STK3: variants seen among roughly 807,000 people sequenced by gnomAD.
The protein encoded by STK3 is serine/threonine-protein kinase 3.
In STK3, 41 loss-of-function variants were observed where a neutral mutation model predicts 58.0. The ratio of observed to expected loss-of-function variants is 0.71; its 90% CI spans 0.55 to 0.92. The LOEUF is 0.92. Among genes scored for constraint, STK3 ranks in the 40% least tolerant of loss-of-function variants. STK3 has a pLI of 0.00. For synonymous variants in STK3, 170 were observed against 191.0 expected (o/e 0.89, Z 0.91); for missense variants, 479 against 602.7 (o/e 0.79, Z 2.15).
intron 3 of STK3, among the ~76,000 whole-genome samples, chr8:98,763,968 C>G (rs977705913): frequency 2.6e-5 from 4 of 152,202 alleles, no homozygotes; most frequent in Non-Finnish European, 5.9e-5. Flanking sequence ...AGCCACCATG[C>G]CCGGCCCTAA....
chr8:98,569,881 T>G (rs1320884078), intron 8 of STK3, among the ~76,000 whole-genome samples: 1 of 150,602 alleles, frequency 6.6e-6, no homozygotes, highest in East Asian at 1.9e-4. Flanking sequence ...TAAGTAAATG[T>G]TCTTTACTGG....
chr8:98,777,150 A>G (rs1325016559), intron 1 of STK3, among the ~76,000 whole-genome samples: 1 of 152,228 alleles, frequency 6.6e-6, no homozygotes. Context: ...AGAGTCTGTC[A>G]GTAAGTTGGA....
chr8:98,546,915 G>A (rs1810744310), intron 9 of STK3, among the ~76,000 whole-genome samples: 1 of 152,094 alleles, frequency 6.6e-6, no homozygotes, highest in African/African-American at 2.4e-5. Context: ...ACAGAACTAG[G>A]GAATGTGAAG....
At chr8:98,351,598 C>T in the STK3 span, among the ~76,000 whole-genome samples, 2 of 152,106 alleles carry the variant, frequency 1.3e-5, no homozygotes, top group Non-Finnish European at 2.9e-5. Flanking sequence ...AATATGCTTT[C>T]TCTGCTATAT....
At chr8:98,352,093 C>T in the STK3 span, among the ~76,000 whole-genome samples, 2 of 146,060 alleles carry the variant, frequency 1.4e-5, no homozygotes, top group Non-Finnish European at 3.0e-5. Context: ...GCTGAGATCG[C>T]GCCACTGCAC....
At chr8:98,443,903 G>T (rs1035245522) in intron 1 of STK3, among the ~76,000 whole-genome samples, 1 of 152,204 alleles carries the variant, frequency 6.6e-6, no homozygotes, top group East Asian at 1.9e-4. Flanking sequence ...GGGCGACAGA[G>T]CAAGACTATG....
intron 4 of STK3, among the ~76,000 whole-genome samples, chr8:98,740,342 G>C (rs1829083112): frequency 6.6e-6 from 1 of 152,208 alleles, no homozygotes; most frequent in Non-Finnish European, 1.5e-5. Context: ...GGCAGCCAGA[G>C]AGAAAGGTCG....
intron 2 of STK3, among the ~76,000 whole-genome samples, chr8:98,434,751 G>C (rs1024318797): frequency 6.6e-6 from 1 of 152,178 alleles, no homozygotes; most frequent in Non-Finnish European, 1.5e-5. Context: ...CCTTGGAGTT[G>C]TGTAAGGCCC....
At chr8:98,546,223 A>T (rs1433838283) in intron 9 of STK3, among the ~76,000 whole-genome samples, 1 of 152,216 alleles carries the variant, frequency 6.6e-6, no homozygotes, top group African/African-American at 2.4e-5. Flanking sequence ...TATAACATGT[A>T]TTGATTTTTG....
chr8:98,711,853 T>C (rs925010454), intron 4 of STK3, among the ~76,000 whole-genome samples: 3 of 151,880 alleles, frequency 2.0e-5, no homozygotes, highest in Admixed American at 6.5e-5. Flanking sequence ...AAAGTTGAAA[T>C]GAAGGAAAAA....
At chr8:98,884,661 A>G (rs1196922518) in intron 1 of STK3, among the ~76,000 whole-genome samples, 1 of 152,140 alleles carries the variant, frequency 6.6e-6, no homozygotes, top group Non-Finnish European at 1.5e-5. Flanking sequence ...TTGGGAAATA[A>G]TCAGGTCATT....
chr8:98,663,460 T>G (rs1822114562), intron 6 of STK3, among the ~76,000 whole-genome samples: 1 of 152,216 alleles, frequency 6.6e-6, no homozygotes, highest in East Asian at 1.9e-4. Context: ...GAAGTCAGTG[T>G]GGTGATTCCT....
intron 3 of STK3, among the ~76,000 whole-genome samples, chr8:98,404,299 G>A (rs1007618816): frequency 4.6e-5 from 7 of 152,170 alleles, no homozygotes; most frequent in African/African-American, 1.4e-4. Context: ...CACTTTGGGA[G>A]ACTGAAGCAG....
At chr8:98,888,503 C>T (rs1838078597) in intron 1 of STK3, among the ~76,000 whole-genome samples, 1 of 152,024 alleles carries the variant, frequency 6.6e-6, no homozygotes, top group African/African-American at 2.4e-5. Context: ...CAGTCTAAAT[C>T]AACAGTTTTC....
intron 1 of STK3, among the ~76,000 whole-genome samples, chr8:98,788,809 T>C (rs1263501885): frequency 6.6e-6 from 1 of 152,086 alleles, no homozygotes; most frequent in African/African-American, 2.4e-5. Flanking sequence ...GCAACTATAA[T>C]AGTGGGGGAC....
At chr8:98,656,456 G>A (rs1312738109) in intron 6 of STK3, among the ~76,000 whole-genome samples, 1 of 151,480 alleles carries the variant, frequency 6.6e-6, no homozygotes, top group Admixed American at 6.6e-5. Flanking sequence ...TGCACATTGT[G>A]CACATGTACC....
At chr8:98,595,836 G>T in intron 7 of STK3, 196 bp downstream of exon 7, 1 of 481,398 alleles carries the variant, frequency 2.1e-6, no homozygotes, top group Non-Finnish European at 3.5e-6. Flanking sequence ...GAATGCTTTG[G>T]AAATTTTGTT....
intron 6 of STK3, among the ~76,000 whole-genome samples, chr8:98,704,730 T>G (rs1791858675): frequency 1.3e-5 from 2 of 152,222 alleles, no homozygotes; most frequent in South Asian, 4.1e-4. Flanking sequence ...AGGCCACATA[T>G]TACAATTCTC....
chr8:98,839,160 C>T (rs1280043546), intron 3 of STK3, among the ~76,000 whole-genome samples: 1 of 152,020 alleles, frequency 6.6e-6, no homozygotes, highest in African/African-American at 2.4e-5. Context: ...AATCCTCTTG[C>T]CTCAGCCTCC....
Sources: allele counts gnomAD v4.1 joint callset (sites outside exome capture counted in the v4.1 genomes callset), GRCh38; gene constraint gnomAD v4.1.1; transcripts MANE v1.5; gene names NCBI Gene and HGNC (gene_info 2026-07-23, HGNC 2026-07-21).